Variants in NCALD observed in about 807,000 individuals in gnomAD.
The protein encoded by NCALD is neurocalcin delta, also known as neurocalcin-delta.
NCALD carries 10 observed loss-of-function variants against 18.6 expected under a neutral mutation model. That is an observed-to-expected ratio of 0.54 (90% CI 0.33 to 0.91). The LOEUF is 0.91. NCALD is among the 40% of genes least tolerant of loss of function. The probability of loss-of-function intolerance (pLI) is 0.03; values close to 1 mark genes in which losing one functional copy is unlikely to be tolerated. For synonymous variants in NCALD, 88 were observed against 87.4 expected, an observed-to-expected ratio of 1.01 and a Z score of -0.04; for missense variants, 184 against 247.6, an observed-to-expected ratio of 0.74 and a Z score of 1.72.
intron 1 of NCALD, among the ~76,000 whole-genome samples, chr8:102,068,443 C>T (rs1824078293): frequency 6.6e-6 from 1 of 152,226 alleles, no homozygotes; most frequent in African/African-American, 2.4e-5. Flanking sequence ...GGCCTCTGCA[C>T]CTGCTGTTTT....
chr8:101,987,951 G>T, intron 2 of NCALD, among the ~76,000 whole-genome samples: 1 of 151,990 alleles, frequency 6.6e-6, no homozygotes, highest in East Asian at 1.9e-4. Flanking sequence ...TCAGGAGATC[G>T]AGACCATCTT....
chr8:102,029,446 C>T (rs1586948385), intron 1 of NCALD, among the ~76,000 whole-genome samples: 1 of 152,116 alleles, frequency 6.6e-6, no homozygotes, highest in South Asian at 2.1e-4. Context: ...AAGTGAAAAT[C>T]GATATTACCT....
At chr8:101,843,229 A>T (rs1179123583) in intron 4 of NCALD, among the ~76,000 whole-genome samples, 1 of 152,234 alleles carries the variant, frequency 6.6e-6, no homozygotes, top group Non-Finnish European at 1.5e-5. Context: ...AAATGAGTCA[A>T]ACTAGTCCAG....
intron 1 of NCALD, among the ~76,000 whole-genome samples, chr8:102,033,844 A>T (rs1279494266): frequency 6.6e-6 from 1 of 152,194 alleles, no homozygotes; most frequent in African/African-American, 2.4e-5. Flanking sequence ...TTTCAGGAGT[A>T]AAGATTTGCA....
At chr8:101,871,434 C>T (rs903126131) in intron 4 of NCALD, among the ~76,000 whole-genome samples, 1 of 152,150 alleles carries the variant, frequency 6.6e-6, no homozygotes. Context: ...AACTCATCGG[C>T]TTTGACAGGG....
intron 2 of NCALD, among the ~76,000 whole-genome samples, chr8:101,923,914 T>A (rs1818252529): frequency 6.6e-6 from 1 of 152,200 alleles, no homozygotes; most frequent in African/African-American, 2.4e-5. Context: ...GAAAGATAGT[T>A]TCTTTTTTAT....
intron 4 of NCALD, among the ~76,000 whole-genome samples, chr8:101,842,494 T>C (rs1216158262): frequency 6.6e-6 from 1 of 152,214 alleles, no homozygotes; most frequent in East Asian, 1.9e-4. Context: ...GCTAACAATG[T>C]TGGTTGAATT....
chr8:101,824,309 T>C (rs1429419266), intron 4 of NCALD, among the ~76,000 whole-genome samples: 1 of 152,164 alleles, frequency 6.6e-6, no homozygotes. Context: ...CCCAACGCTG[T>C]GTCCATAAAT....
intron 1 of NCALD, among the ~76,000 whole-genome samples, chr8:102,104,965 G>A (rs1038517690): frequency 6.6e-6 from 1 of 152,220 alleles, no homozygotes; most frequent in Admixed American, 6.5e-5. Context: ...TGCTGGGATT[G>A]TTCAGCGAAC....
At chr8:101,895,329 A>C (rs1205848966) in intron 3 of NCALD, among the ~76,000 whole-genome samples, 2 of 130,784 alleles carry the variant, frequency 1.5e-5, no homozygotes, top group Admixed American at 7.5e-5. Flanking sequence ...CATGCTAAAA[A>C]CTCTCAATAA....
intron 1 of NCALD, among the ~76,000 whole-genome samples, chr8:102,021,502 A>T (rs1822271816): frequency 6.6e-6 from 1 of 152,190 alleles, no homozygotes; most frequent in Non-Finnish European, 1.5e-5. Context: ...AAAAAAGGAA[A>T]ATATAAAGGT....
At chr8:102,109,299 G>A (rs1825571386) in intron 1 of NCALD, among the ~76,000 whole-genome samples, 1 of 141,860 alleles carries the variant, frequency 7.0e-6, no homozygotes, top group Non-Finnish European at 1.5e-5. Flanking sequence ...GGAAATGAAA[G>A]GTTTTTTTTT....
Position 101,913,997 on chromosome 8 carries a change from A to G in NCALD, c.-107+1812T>C, listed in dbSNP as rs144751963. On this transcript the variant is annotated intron_variant, in intron 3 of 6. Transcript: ENST00000311028. Reference sequence around the variant, plus strand: ...ATACCCAGTTTTCCCAAATATTAACATCTTACATTAGCATGGTACATTTAT... The same window carrying G: ...ATACCCAGTTTTCCCAAATATTAACGTCTTACATTAGCATGGTACATTTAT... Among the ~76,000 whole-genome samples, 98 of 152,354 alleles carry G rather than the reference A, an allele frequency of 6.4e-4. 1 individual carries two copies. In the East Asian group the frequency reaches 0.016, roughly 25 times the overall value.
chr8:101,941,482 G>A (rs1818954239), intron 2 of NCALD, among the ~76,000 whole-genome samples: 1 of 152,196 alleles, frequency 6.6e-6, no homozygotes, highest in African/African-American at 2.4e-5. Context: ...ACCAGCCCGG[G>A]ACCCCTGACA....
intron 1 of NCALD, among the ~76,000 whole-genome samples, chr8:101,772,071 G>A (rs1030982333): frequency 2.0e-5 from 3 of 152,166 alleles, no homozygotes; most frequent in African/African-American, 7.2e-5. Context: ...ACACACCCCT[G>A]AGACTAGACT....
At chr8:101,868,025 A>G (rs956543551) in intron 4 of NCALD, among the ~76,000 whole-genome samples, 1 of 152,066 alleles carries the variant, frequency 6.6e-6, no homozygotes, top group Non-Finnish European at 1.5e-5. Context: ...TAGTTTTGCT[A>G]AGATGTAGCA....
intron 4 of NCALD, among the ~76,000 whole-genome samples, chr8:101,833,708 A>G (rs1814287969): frequency 6.7e-6 from 1 of 148,624 alleles, no homozygotes; most frequent in Non-Finnish European, 1.5e-5. Flanking sequence ...CCAAGGTTTA[A>G]TTCCAAGAAC....
At chr8:102,008,101 T>C (rs942385433) in intron 2 of NCALD, among the ~76,000 whole-genome samples, 2 of 152,178 alleles carry the variant, frequency 1.3e-5, no homozygotes, top group African/African-American at 4.8e-5. Flanking sequence ...TAAGCAGAGG[T>C]GAAAATGTTG....
intron 1 of NCALD, among the ~76,000 whole-genome samples, chr8:101,756,710 A>G (rs530720693): frequency 6.6e-6 from 1 of 152,348 alleles, no homozygotes; most frequent in African/African-American, 2.4e-5. Context: ...GCCGTTTGTG[A>G]GTGGTTCTCA....
Sources: allele counts gnomAD v4.1 joint callset (sites outside exome capture counted in the v4.1 genomes callset), GRCh38; gene constraint gnomAD v4.1.1; transcripts MANE v1.5; gene names NCBI Gene and HGNC (gene_info 2026-07-23, HGNC 2026-07-21).